The following COMMD10 variants were observed in gnomAD, a reference collection of about 807,000 sequenced individuals.
COMMD10 encodes the protein COMM domain-containing protein 10.
Under a neutral mutation model 28.9 loss-of-function variants are expected in COMMD10, and 33 were observed. That is an observed-to-expected ratio of 1.14 (90% confidence interval 0.87 to 1.53). The LOEUF (loss-of-function observed/expected upper bound fraction) is 1.53, where lower values mean the gene tolerates loss of function less well. Ranked by LOEUF, COMMD10 falls within the 40% of genes most tolerant of loss-of-function variation. The pLI is 0.00. For missense variants in COMMD10, 310 were observed against 233.4 expected (o/e 1.33, Z -2.14); for synonymous variants, 110 against 81.7 (o/e 1.35, Z -1.87).
chr5:116,134,045 C>T, intron 4 of COMMD10, 23 bp from the exon 5 acceptor site: 2 of 1,330,618 alleles, frequency 1.5e-6, no homozygotes, highest in South Asian at 1.2e-5. Context: ...CATCTGATTC[C>T]AATCTGCACC....
chr5:116,168,737 A>G (rs1753218003), intron 5 of COMMD10, among the ~76,000 whole-genome samples: 1 of 152,226 alleles, frequency 6.6e-6, no homozygotes, highest in African/African-American at 2.4e-5. Flanking sequence ...ACTACTGGGT[A>G]AATAACGAAA....
chr5:116,092,909 G>A (rs1298953744), intron 4 of COMMD10, among the ~76,000 whole-genome samples: 5 of 152,132 alleles, frequency 3.3e-5, no homozygotes, highest in Non-Finnish European at 5.9e-5. Flanking sequence ...GTACACTCTA[G>A]AGAATCAGTT....
chr5:116,194,432 A>C (rs1027114503), intron 5 of COMMD10, among the ~76,000 whole-genome samples: 5 of 152,182 alleles, frequency 3.3e-5, no homozygotes, highest in African/African-American at 1.2e-4. Context: ...AAGTTTAACC[A>C]AGAAAAGAAG....
At chr5:116,208,978 A>AT (rs912602146) in intron 5 of COMMD10, among the ~76,000 whole-genome samples, 2 of 151,916 alleles carry the variant, frequency 1.3e-5, no homozygotes, top group Admixed American at 6.6e-5. Context: ...GATTTTCTAA[A>AT]TTTTTACTTT....
chr5:116,234,537 G>GGT (rs1749612817), intron 5 of COMMD10, among the ~76,000 whole-genome samples: 1 of 152,062 alleles, frequency 6.6e-6, no homozygotes, highest in African/African-American at 2.4e-5. Context: ...CAGTAAAACA[G>GGT]GTAAATCATG....
chr5:116,109,078 C>T (rs1281428657), intron 4 of COMMD10, among the ~76,000 whole-genome samples: 1 of 152,182 alleles, frequency 6.6e-6, no homozygotes, highest in East Asian at 1.9e-4. Flanking sequence ...GTTGGAAGTG[C>T]AGAAATCACC....
chr5:116,171,764 G>T (rs1431006835), intron 5 of COMMD10, among the ~76,000 whole-genome samples: 4 of 151,846 alleles, frequency 2.6e-5, no homozygotes, highest in African/African-American at 7.3e-5. Context: ...CACTCATAAG[G>T]GGGAGTTGAA....
chr5:116,209,628 A>G (rs1010067519), intron 5 of COMMD10, among the ~76,000 whole-genome samples: 3 of 152,160 alleles, frequency 2.0e-5, no homozygotes, highest in African/African-American at 4.8e-5. Flanking sequence ...TCAAAACACT[A>G]AGAAAAAAAG....
intron 5 of COMMD10, among the ~76,000 whole-genome samples, chr5:116,210,654 C>T (rs923835815): frequency 6.6e-6 from 1 of 152,048 alleles, no homozygotes; most frequent in Non-Finnish European, 1.5e-5. Flanking sequence ...AGTCTATCAA[C>T]AAATCCTGTC....
At chr5:116,111,456 T>G (rs574852882) in intron 4 of COMMD10, among the ~76,000 whole-genome samples, 124 of 152,284 alleles carry the variant, frequency 8.1e-4, no homozygotes, top group African/African-American at 2.8e-3. Flanking sequence ...TACAGGTTTT[T>G]GTATGTTGTA....
chr5:116,224,610 C>G (rs2112647857), intron 5 of COMMD10, among the ~76,000 whole-genome samples: 1 of 152,248 alleles, frequency 6.6e-6, no homozygotes, highest in South Asian at 2.1e-4. Flanking sequence ...CATATGAACT[C>G]AGAGCGAGAA....
At chr5:116,096,776 C>T (rs1049471648) in intron 4 of COMMD10, among the ~76,000 whole-genome samples, 8 of 151,976 alleles carry the variant, frequency 5.3e-5, no homozygotes, top group Non-Finnish European at 1.0e-4. Context: ...ATTCTTACTA[C>T]TCTCAAGTGT....
intron 4 of COMMD10, among the ~76,000 whole-genome samples, chr5:116,126,319 G>T (rs146750285): frequency 0.016 from 2,431 of 152,222 alleles, 65 homozygotes; most frequent in African/African-American, 0.056. Context: ...TGAATAGGAA[G>T]AATCGATATC....
chr5:116,113,490 TTTC>T (rs1751128134), intron 4 of COMMD10, among the ~76,000 whole-genome samples: 1 of 151,926 alleles, frequency 6.6e-6, no homozygotes, highest in Non-Finnish European at 1.5e-5. Flanking sequence ...TGTTCATTTT[TTTC>T]TTATTTTTAA....
intron 4 of COMMD10, among the ~76,000 whole-genome samples, chr5:116,131,772 G>T (rs1249004395): frequency 6.6e-6 from 1 of 151,976 alleles, no homozygotes; most frequent in Non-Finnish European, 1.5e-5. Context: ...AGAGAAAGAT[G>T]CAGAGTGCTG....
intron 5 of COMMD10, among the ~76,000 whole-genome samples, chr5:116,286,309 AACTC>A (rs1751216168): frequency 6.9e-6 from 1 of 144,596 alleles, no homozygotes; most frequent in Non-Finnish European, 1.5e-5. Context: ...TTAAAAAACT[AACTC>A]AATTTCTATG....
chr5:116,210,707 C>T (rs1463909938), intron 5 of COMMD10, among the ~76,000 whole-genome samples: 2 of 152,084 alleles, frequency 1.3e-5, no homozygotes, highest in African/African-American at 2.4e-5. Context: ...CCACTTCTTA[C>T]TACCTTTATC....
At position 116,183,086 on chromosome 5, in the gene COMMD10, C is replaced by T. The variant is rs183117925; in HGVS notation, c.510+48908C>T. Among the ~76,000 whole-genome samples the T allele has an allele frequency of 6.6e-5, 10 of 152,038 alleles. No individual in the cohort carries two copies. The East Asian group carries it at 1.2e-3, about 18-fold the overall frequency. On this transcript the variant is annotated intron_variant, in intron 5 of 6. Transcript: ENST00000274458. Reference sequence around the variant, plus strand: ...TTTTCTTTGCAAATTACCCAGTCTTCGGTATTTCTTCATAGCAATGTGAGA... The same window carrying T: ...TTTTCTTTGCAAATTACCCAGTCTTTGGTATTTCTTCATAGCAATGTGAGA...
At chr5:116,177,533 C>G (rs945005096) in intron 5 of COMMD10, among the ~76,000 whole-genome samples, 7 of 146,784 alleles carry the variant, frequency 4.8e-5, no homozygotes, top group Admixed American at 3.4e-4. Context: ...TGACCCCCCC[C>G]ACCCCACTGC....
Sources: allele counts gnomAD v4.1 joint callset (sites outside exome capture counted in the v4.1 genomes callset), GRCh38; gene constraint gnomAD v4.1.1; transcripts MANE v1.5; gene names NCBI Gene and HGNC (gene_info 2026-07-23, HGNC 2026-07-21).